CSMD1: variants seen among roughly 807,000 people sequenced by gnomAD.
CSMD1 encodes the protein CUB and Sushi multiple domains 1.
CSMD1 carries 213 observed loss-of-function variants against 417.5 expected under a neutral mutation model. The ratio of observed to expected loss-of-function variants is 0.51; its 90% CI spans 0.46 to 0.57. The LOEUF (loss-of-function observed/expected upper bound fraction) is 0.57, where lower values mean the gene tolerates loss of function less well. Among genes scored for constraint, CSMD1 ranks in the 20% least tolerant of loss-of-function variants. The pLI is 0.00. For synonymous variants in CSMD1, 2,862 were observed against 1,736.8 expected, an observed-to-expected ratio of 1.65 and a Z score of -16.11; for missense variants, 6,923 against 4,529.7, an observed-to-expected ratio of 1.53 and a Z score of -15.17.
At position 4,155,442 on chromosome 8, in the gene CSMD1, T is replaced by C. The variant is rs547320228; in HGVS notation, c.416-123343A>G. On this transcript the variant is annotated intron_variant, in intron 3 of 69. Coordinates refer to ENST00000635120, the MANE Select transcript of CSMD1 (RefSeq NM_033225.6). ...TGCCTCTGTTTGGCAGGAACCTTGT[T>C]TGGGAAATGAAAATATGGTAAGTAT... is the stretch of plus-strand genomic sequence containing the variant. Among the ~76,000 whole-genome samples the C allele has an allele frequency of 2.8e-4, 42 of 152,300 alleles. 1 individual carries two copies. The highest frequency in any genetic ancestry group is 1.0e-3 in the African/African-American group (42 of 41,570).
At chr8:3,535,570 G>T (rs1380277492) in intron 10 of CSMD1, among the ~76,000 whole-genome samples, 1 of 152,066 alleles carries the variant, frequency 6.6e-6, no homozygotes, top group Non-Finnish European at 1.5e-5. Context: ...GAAGAAGAAG[G>T]ATGAGAAATT....
chr8:3,183,058 T>C (rs1260318975), intron 36 of CSMD1: 3 of 151,972 alleles, frequency 2.0e-5, no homozygotes, highest in South Asian at 2.1e-4. Flanking sequence ...GCACCCGGCC[T>C]AGAAGAGGCT....
intron 27 of CSMD1, among the ~76,000 whole-genome samples, chr8:3,224,546 C>G (rs1263025820): frequency 1.3e-5 from 2 of 152,142 alleles, no homozygotes; most frequent in African/African-American, 4.8e-5. Context: ...TTTAAGTGAG[C>G]TCTAAGTATA....
chr8:4,659,222 C>G lies in CSMD1; in HGVS notation c.86-21664G>C, dbSNP rs75829842. Reference sequence around the variant, plus strand: ...TATATATGGAATCAGAAAAACAGTGCTCAGAGGAAATGCATAGCTGCAAAT... The same window carrying G: ...TATATATGGAATCAGAAAAACAGTGGTCAGAGGAAATGCATAGCTGCAAAT... On this transcript the variant is annotated intron_variant, in intron 1 of 69. Coordinates refer to ENST00000635120, the MANE Select transcript of CSMD1 (RefSeq NM_033225.6). Among the ~76,000 whole-genome samples, 211 of 151,908 alleles carry G rather than the reference C, an allele frequency of 1.4e-3. 2 individuals carry two copies. The East Asian group carries it at 0.038, about 27-fold the overall frequency.
At chr8:4,419,371 C>T (rs550761319) in intron 3 of CSMD1, among the ~76,000 whole-genome samples, 1 of 152,126 alleles carries the variant, frequency 6.6e-6, no homozygotes, top group Admixed American at 6.6e-5. Flanking sequence ...AGTTCTATCT[C>T]TGCATTTAAA....
At chr8:3,850,995 T>C (rs1803867434) in intron 5 of CSMD1, among the ~76,000 whole-genome samples, 1 of 152,224 alleles carries the variant, frequency 6.6e-6, no homozygotes, top group Admixed American at 6.5e-5. Context: ...TGCTTCAGCT[T>C]AGATAAATAT....
chr8:4,934,087 T>C (rs1807439479), intron 1 of CSMD1, among the ~76,000 whole-genome samples: 1 of 152,096 alleles, frequency 6.6e-6, no homozygotes, highest in Non-Finnish European at 1.5e-5. Context: ...ACTGAGAACT[T>C]TGAGGCGGCA....
chr8:4,044,185 A>G (rs1226732501), intron 3 of CSMD1, among the ~76,000 whole-genome samples: 3 of 152,194 alleles, frequency 2.0e-5, no homozygotes, highest in Non-Finnish European at 4.4e-5. Flanking sequence ...ATTCATTCTA[A>G]AAGTTGAGGG....
intron 7 of CSMD1, among the ~76,000 whole-genome samples, chr8:3,631,698 G>A (rs984537335): frequency 6.6e-6 from 1 of 152,200 alleles, no homozygotes; most frequent in Non-Finnish European, 1.5e-5. Flanking sequence ...CAGACGGAGG[G>A]AAGAAATTTT....
At chr8:4,403,108 G>T (rs181615896) in intron 3 of CSMD1, among the ~76,000 whole-genome samples, 72 of 152,036 alleles carry the variant, frequency 4.7e-4, no homozygotes, top group African/African-American at 1.7e-3. Flanking sequence ...TGGGATTACA[G>T]GCGTGAGCCA....
chr8:3,296,989 A>G (rs1162229801), intron 25 of CSMD1, among the ~76,000 whole-genome samples: 2 of 152,242 alleles, frequency 1.3e-5, no homozygotes, highest in Admixed American at 6.5e-5. Context: ...TTTATAAACT[A>G]TAGGACTGGA....
At chr8:4,028,662 T>A (rs557652972) in intron 4 of CSMD1, among the ~76,000 whole-genome samples, 1 of 152,358 alleles carries the variant, frequency 6.6e-6, no homozygotes, top group Admixed American at 6.5e-5. Context: ...GTTTGGGTCA[T>A]AACATTTACT....
At chr8:3,355,835 T>A (rs1348511356) in intron 21 of CSMD1, among the ~76,000 whole-genome samples, 4 of 152,036 alleles carry the variant, frequency 2.6e-5, no homozygotes, top group Non-Finnish European at 4.4e-5. Flanking sequence ...AATTTGCAAG[T>A]GAAAAAGAAG....
At chr8:3,072,393 T>C (rs1426209648) in intron 49 of CSMD1, among the ~76,000 whole-genome samples, 1 of 152,196 alleles carries the variant, frequency 6.6e-6, no homozygotes, top group African/African-American at 2.4e-5. Context: ...AAAGCATAGC[T>C]AAGAACAAGC....
At chr8:4,228,189 C>G (rs924193176) in intron 3 of CSMD1, among the ~76,000 whole-genome samples, 4 of 152,192 alleles carry the variant, frequency 2.6e-5, no homozygotes, top group African/African-American at 9.7e-5. Context: ...GCATGCAATC[C>G]CACATCCAGG....
At chr8:3,983,149 G>A (rs866653117) in intron 5 of CSMD1, among the ~76,000 whole-genome samples, 2 of 59,548 alleles carry the variant, frequency 3.4e-5, no homozygotes, top group South Asian at 4.2e-4. Context: ...TTTTTTTTTT[G>A]AGACGGACTC....
chr8:4,118,698 T>C (rs1003785480), intron 3 of CSMD1, among the ~76,000 whole-genome samples: 1 of 152,164 alleles, frequency 6.6e-6, no homozygotes, highest in Non-Finnish European at 1.5e-5. Context: ...TGCTCAAGGA[T>C]CTAGAACTAG....
chr8:3,347,535 T>G (rs966723370), intron 22 of CSMD1, among the ~76,000 whole-genome samples: 3 of 152,238 alleles, frequency 2.0e-5, no homozygotes, highest in African/African-American at 7.2e-5. Flanking sequence ...TTCCACAGTA[T>G]GACCACATTT....
At position 3,348,050 on chromosome 8, in the gene CSMD1, C is replaced by T; in HGVS notation, c.3416G>A (p.Gly1139Asp). Residue 1139 changes from glycine (G) to aspartate (D), a missense_variant, in exon 22 of 70, where the codon GGC becomes GAC. Coordinates refer to ENST00000635120, the MANE Select transcript of CSMD1 (RefSeq NM_033225.6). Reference protein sequence around the residue: ...ECIYKIETEAGKGIHLRTRSF... With the variant: ...ECIYKIETEADKGIHLRTRSF... ...TCGTGTTCTAAGGTGGATGCCCTTGCCGGCTTCTGTTTCTATTTTATAGAT... is the reference window on the plus strand; with the variant it reads ...TCGTGTTCTAAGGTGGATGCCCTTGTCGGCTTCTGTTTCTATTTTATAGAT... The T allele has an allele frequency of 1.2e-6, 2 of 1,610,964 alleles. No individual in the cohort carries two copies. Among genetic ancestry groups the T allele is most frequent in the South Asian group, 1.1e-5 (1 of 90,476 alleles).
Sources: allele counts gnomAD v4.1 joint callset (sites outside exome capture counted in the v4.1 genomes callset), GRCh38; gene constraint gnomAD v4.1.1; transcripts MANE v1.5; gene names NCBI Gene and HGNC (gene_info 2026-07-23, HGNC 2026-07-21).